Variants in OPTN observed in about 807,000 individuals in gnomAD.
OPTN encodes optineurin, also known as E3-14.7K-interacting protein.
Under a neutral mutation model 70.4 loss-of-function variants are expected in OPTN, and 54 were observed. That is an observed-to-expected ratio of 0.77 (90% CI 0.62 to 0.96). OPTN has a LOEUF of 0.96. OPTN is among the 40% of genes least tolerant of loss of function. The probability of loss-of-function intolerance (pLI) is 0.00; values close to 1 mark genes in which losing one functional copy is unlikely to be tolerated. For missense variants in OPTN, 624 were observed against 673.2 expected (o/e 0.93, Z 0.81); for synonymous variants, 256 against 248.5 (o/e 1.03, Z -0.28).
At chr10:13,120,633 G>T (rs1833327189) in intron 7 of OPTN, among the ~76,000 whole-genome samples, 1 of 151,258 alleles carries the variant, frequency 6.6e-6, no homozygotes, top group South Asian at 2.1e-4. Flanking sequence ...GGTCCATTTT[G>T]AGTTTGTTTC....
intron 1 of OPTN, among the ~76,000 whole-genome samples, chr10:13,107,415 G>A (rs1263873446): frequency 8.1e-6 from 1 of 123,532 alleles, no homozygotes; most frequent in African/African-American, 3.1e-5. Context: ...TTGAGACTCT[G>A]TCGCCCATGC....
At chr10:13,100,765 G>A (rs996996034) in intron 1 of OPTN, among the ~76,000 whole-genome samples, 6 of 152,218 alleles carry the variant, frequency 3.9e-5, no homozygotes, top group Non-Finnish European at 7.4e-5. Flanking sequence ...GTGTCTAGGA[G>A]AGTGTGTACA....
At chr10:13,128,014 T>C in intron 12 of OPTN, 111 bp downstream of exon 12, 1 of 1,303,014 alleles carries the variant, frequency 7.7e-7, no homozygotes, top group Non-Finnish European at 1.1e-6. Context: ...ATATATTTTT[T>C]CACCCGTGAG....
At chr10:13,131,895 A>G (rs544200260) in intron 12 of OPTN, among the ~76,000 whole-genome samples, 172 bp from the exon 13 acceptor site, 2 of 152,290 alleles carry the variant, frequency 1.3e-5, no homozygotes, top group African/African-American at 2.4e-5. Context: ...TGTATCTGCT[A>G]TCGGAATGTA....
At chr10:13,120,455 A>G (rs1212843201) in intron 7 of OPTN, among the ~76,000 whole-genome samples, 1 of 151,892 alleles carries the variant, frequency 6.6e-6, no homozygotes, top group South Asian at 2.1e-4. Context: ...CAAGGTCACA[A>G]AGATTTACTC....
At chr10:13,107,323 C>T (rs1309762839) in intron 1 of OPTN, among the ~76,000 whole-genome samples, 1 of 149,896 alleles carries the variant, frequency 6.7e-6, no homozygotes. Flanking sequence ...TGCAGTGAGC[C>T]GAGATCGCTC....
intron 6 of OPTN, among the ~76,000 whole-genome samples, chr10:13,116,922 C>G (rs1013406966): frequency 5.9e-5 from 9 of 152,068 alleles, no homozygotes; most frequent in Non-Finnish European, 1.3e-4. Flanking sequence ...GTGGCAGGGC[C>G]TTGGGGAGGG....
chr10:13,102,224 C>T (rs1264112642), intron 1 of OPTN, among the ~76,000 whole-genome samples: 1 of 152,172 alleles, frequency 6.6e-6, no homozygotes, highest in African/African-American at 2.4e-5. Flanking sequence ...TGCAGGGAAC[C>T]GTGAGCTCTT....
chr10:13,128,502 CTTTTTTTTTTTT>C lies in OPTN; in HGVS notation c.1401+620_1401+631del, dbSNP rs56147136. On this transcript the variant is annotated intron_variant, in intron 12 of 14. Coordinates refer to ENST00000378747, the MANE Select transcript of OPTN (RefSeq NM_001008212.2). ...TTGTGAAGTGCCTTATCAAGCCTGC[CTTTTTTTTTTTT>C]TTTTTTTTTTTTTTTTTTTTGGTTT... is the stretch of plus-strand genomic sequence containing the variant. Among the ~76,000 whole-genome samples, 10 of 33,488 alleles carry C rather than the reference CTTTTTTTTTTTT, an allele frequency of 3.0e-4. 1 individual carries two copies. The highest frequency in any genetic ancestry group is 1.1e-3 in the African/African-American group (7 of 6,140). 22.0% of individuals were successfully genotyped at this position (33,488 alleles called of 152,430 possible).
intron 1 of OPTN, among the ~76,000 whole-genome samples, chr10:13,101,318 A>G (rs1239937381): frequency 2.6e-5 from 4 of 152,236 alleles, no homozygotes; most frequent in Non-Finnish European, 4.4e-5. Context: ...ACACAATAAA[A>G]GTAACAGCTT....
intron 8 of OPTN, 44 bp downstream of exon 8, chr10:13,122,531 G>A (rs1458075519): frequency 1.8e-5 from 23 of 1,256,930 alleles, no homozygotes; most frequent in African/African-American, 2.9e-5. Context: ...CCACACACAC[G>A]AGAGTAGTCC....
At chr10:13,107,234 G>T (rs1448770633) in intron 1 of OPTN, among the ~76,000 whole-genome samples, 1 of 151,458 alleles carries the variant, frequency 6.6e-6, no homozygotes, top group Non-Finnish European at 1.5e-5. Context: ...AATTGGCCAG[G>T]CATGGTGGCT....
At chr10:13,100,762 G>A (rs898276425) in intron 1 of OPTN, among the ~76,000 whole-genome samples, 1 of 152,216 alleles carries the variant, frequency 6.6e-6, no homozygotes. Context: ...GCTGTGTCTA[G>A]GAGAGTGTGT....
intron 13 of OPTN, 113 bp downstream of exon 13, chr10:13,132,310 T>C: frequency 1.8e-6 from 2 of 1,120,602 alleles, no homozygotes; most frequent in Non-Finnish European, 2.6e-6. Flanking sequence ...TTCGCGCCAC[T>C]GCACTCCTGC....
At chr10:13,111,847 T>TTG (rs1048952426) in intron 4 of OPTN, among the ~76,000 whole-genome samples, 1 of 134,350 alleles carries the variant, frequency 7.4e-6, no homozygotes, top group African/African-American at 2.9e-5. Context: ...TTTGACTGTT[T>TTG]TTTTTTTTTT....
In OPTN at chr10:13,123,908, A is replaced by C. The variant is rs983222971; in HGVS notation, c.883-87A>C. On this transcript the variant is annotated intron_variant, in intron 8 of 14. Coordinates refer to ENST00000378747, the MANE Select transcript of OPTN (RefSeq NM_001008212.2). ...CACCAGCCAGTCTTAATTGGCTACT[A>C]ATGGTTCAGCCTGTTTTCTCCTAAA... 93 of 906,468 alleles carry C rather than the reference A, an allele frequency of 1.0e-4. 1 individual carries two copies. The highest frequency in any genetic ancestry group is 7.2e-4 in the South Asian group (52 of 72,002). 56.2% of individuals were successfully genotyped at this position (906,468 alleles called of 1,614,324 possible). A position where few individuals can be genotyped will look rare whatever the true frequency, so the allele number is the denominator to read the frequency against.
At chr10:13,115,030 T>G (rs1588439140) in intron 5 of OPTN, among the ~76,000 whole-genome samples, 2 of 44,228 alleles carry the variant, frequency 4.5e-5, no homozygotes, top group Admixed American at 3.5e-4. Context: ...TATCTATATT[T>G]ATATATTTTT....
chr10:13,110,547 T>G lies in OPTN; in HGVS notation c.369+71T>G. 3 of 1,407,918 alleles carry G rather than the reference T, an allele frequency of 2.1e-6. No individual in the cohort carries two copies. The South Asian group carries it at 3.6e-5, about 17-fold the overall frequency. 87.2% of individuals were successfully genotyped at this position (1,407,918 alleles called of 1,614,324 possible). A position where few individuals can be genotyped will look rare whatever the true frequency, so the allele number is the denominator to read the frequency against. ...GACATTTGCAGTGGAATCTTACGTG[T>G]CTAGACTCCTAGATCAAAACCTTTC... On this transcript the variant is annotated intron_variant, in intron 4 of 14. Coordinates refer to ENST00000378747, the MANE Select transcript of OPTN (RefSeq NM_001008212.2).
chr10:13,115,560 T>G (rs1396561667), intron 5 of OPTN, among the ~76,000 whole-genome samples: 1 of 127,836 alleles, frequency 7.8e-6, no homozygotes, highest in Non-Finnish European at 1.6e-5. Flanking sequence ...ACATTATATA[T>G]TATACAATTA....
Sources: gnomAD v4.1 joint callset for allele counts (sites outside exome capture counted in the v4.1 genomes callset) on GRCh38, gnomAD v4.1.1 for gene constraint, MANE v1.5 for transcripts, NCBI Gene and HGNC (gene_info 2026-07-23, HGNC 2026-07-21) for gene names.